The following LAT2 variants were observed in gnomAD, a reference collection of about 807,000 sequenced individuals.
The protein encoded by LAT2 is linker for activation of T cells family member 2.
LAT2 carries 23 observed loss-of-function variants against 43.4 expected under a neutral mutation model. The ratio of observed to expected loss-of-function variants is 0.53; its 90% CI spans 0.38 to 0.75. LAT2 has a LOEUF of 0.75. LAT2 is among the 30% of genes least tolerant of loss of function. The probability of loss-of-function intolerance (pLI) is 0.00; values close to 1 mark genes in which losing one functional copy is unlikely to be tolerated. For synonymous variants in LAT2, 128 were observed against 123.2 expected, an observed-to-expected ratio of 1.04 and a Z score of -0.26; for missense variants, 284 against 310.2, an observed-to-expected ratio of 0.92 and a Z score of 0.64.
Position 74,210,010 on chromosome 7 carries a change from T to C in LAT2, c.-297T>C, listed in dbSNP as rs1160005652. Reference sequence around the variant, plus strand: ...AGCCCGCCCTGCCCGCCCGCCAGTGTCAGTGGTGTTGGCATCAGCTTGGGC... The same window carrying C: ...AGCCCGCCCTGCCCGCCCGCCAGTGCCAGTGGTGTTGGCATCAGCTTGGGC... On this transcript the variant is annotated 5_prime_UTR_variant, in exon 1 of 14. Transcript: ENST00000460943. 1.5e-4 allele frequency: 23 copies of C among 152,140 alleles called. No individual in the cohort carries two copies. The highest frequency in any genetic ancestry group is 1.5e-3 in the Admixed American group (23 of 15,252). 9.4% of individuals were successfully genotyped at this position (152,140 alleles called of 1,614,324 possible).
At position 74,216,030 on chromosome 7, in the gene LAT2, G is replaced by T; in HGVS notation, c.55G>T (p.Gly19Trp). Reference protein sequence around the residue: ...WPGAALLVLLGVAASLCVRCS... With the variant: ...WPGAALLVLLWVAASLCVRCS... ...CGGAGCAGCGCTGCTGGTGCTGTTG[G>T]GGGTGGCAGCCAGTCTGTGTGTGCG... Residue 19 changes from glycine to tryptophan, a missense_variant, in exon 3 of 14, where the codon GGG becomes TGG. Physicochemically the swap from Gly to Trp is radical, Grantham distance 184 (BLOSUM62 -2). Coordinates refer to ENST00000460943, the MANE Select transcript of LAT2 (RefSeq NM_032464.3). 6.2e-7 allele frequency: 1 copy of T among 1,613,714 alleles called. No individual in the cohort carries two copies. Among genetic ancestry groups the T allele is most frequent in the Non-Finnish European group, 8.5e-7 (1 of 1,179,914 alleles).
chr7:74,211,137 C>T (rs1268266531), intron 1 of LAT2, among the ~76,000 whole-genome samples: 1 of 152,228 alleles, frequency 6.6e-6, no homozygotes, highest in Non-Finnish European at 1.5e-5. Flanking sequence ...CTCCCCACCC[C>T]GCCCAGCCCT....
At position 74,223,752 on chromosome 7, in the gene LAT2, G is replaced by A; in HGVS notation, c.417G>A (p.Val139=). ...ATGATGCCAATTCCTACGAGAATGTGCTCATTTGCAAGCAGAAAACCACAG... is the reference window on the plus strand; with the variant it reads ...ATGATGCCAATTCCTACGAGAATGTACTCATTTGCAAGCAGAAAACCACAG... The part of the protein sequence containing the change: ...EDDDANSYEN[V]LICKQKTTET... Residue 139 remains valine, a synonymous_variant, in exon 11 of 14, where the codon GTG becomes GTA. Transcript: ENST00000460943. 6.2e-7 allele frequency: 1 copy of A among 1,613,982 alleles called. No homozygotes were observed. The highest frequency in any genetic ancestry group is 1.1e-5 in the South Asian group (1 of 91,082).
In LAT2 at chr7:74,229,213, G is replaced by A. The variant is rs1166217790; in HGVS notation, c.*288G>A. Reference sequence around the variant, plus strand: ...GGGTAACCCGGCTCCTGGTATGGACGGATGCGCAGGATTTAGGATAAGCTG... The same window carrying A: ...GGGTAACCCGGCTCCTGGTATGGACAGATGCGCAGGATTTAGGATAAGCTG... On this transcript the variant is annotated 3_prime_UTR_variant, in exon 14 of 14. Transcript: ENST00000460943. The A allele has an allele frequency of 3.9e-5, 6 of 152,204 alleles. No individual in the cohort carries two copies. Among genetic ancestry groups the A allele is most frequent in the Non-Finnish European group, 5.9e-5 (4 of 68,048 alleles). The allele number at this position is 152,204 out of a possible 1,614,324, so 9.4% of individuals were successfully genotyped here. A position where few individuals can be genotyped will look rare whatever the true frequency, so the allele number is the denominator to read the frequency against.
intron 1 of LAT2, among the ~76,000 whole-genome samples, chr7:74,214,129 TATATATATGAAA>T (rs1314312390): frequency 1.7e-5 from 1 of 59,286 alleles, no homozygotes; most frequent in Non-Finnish European, 3.1e-5. Context: ...TATATATAAA[TATATATATGAAA>T]ATATATATAA....
intron 12 of LAT2, among the ~76,000 whole-genome samples, 168 bp from the exon 13 acceptor site, chr7:74,224,471 G>A (rs1451503877): frequency 5.9e-5 from 9 of 152,204 alleles, no homozygotes; most frequent in Admixed American, 1.3e-4. Flanking sequence ...ACAGCAGGAC[G>A]ATCTCCGGCA....
chr7:74,213,971 C>T (rs892772387), intron 1 of LAT2, among the ~76,000 whole-genome samples: 9 of 142,756 alleles, frequency 6.3e-5, no homozygotes, highest in South Asian at 2.2e-4. Flanking sequence ...TTTTTTGAAA[C>T]GGAGTCTCAC....
At chr7:74,222,216 T>A (rs1802310694) in intron 10 of LAT2, among the ~76,000 whole-genome samples, 1 of 126,670 alleles carries the variant, frequency 7.9e-6, no homozygotes, top group Non-Finnish European at 1.6e-5. Flanking sequence ...TGAAACCCCA[T>A]CTCTACAAAA....
chr7:74,220,734 T>A lies in LAT2; in HGVS notation c.332T>A (p.Ile111Lys), dbSNP rs1234965860. 1.9e-6 allele frequency: 3 copies of A among 1,591,828 alleles called. No individual in the cohort carries two copies. The African/African-American group carries it at 4.0e-5, about 21-fold the overall frequency. Residue 111 changes from isoleucine (I) to lysine (K), a missense_variant and splice_region_variant, in exon 9 of 14, where the codon ATA becomes AAA. Coordinates refer to ENST00000460943, the MANE Select transcript of LAT2 (RefSeq NM_032464.3). This position sits in a 1 kb window ranked among gnomAD's most constrained non-coding sequence, Gnocchi z 4.5. ...AGACACGGGTCGGAGGAAGCCTACA[T>A]GTGAGTGACCTTGATCCTGTCCCCC... ...GSRHGSEEAY[I>K]DPIAMEYYNW...
At chr7:74,214,764 C>CATATATAAAT (rs1801965124) in intron 1 of LAT2, 58 bp from the exon 2 acceptor site, 1 of 61,200 alleles carries the variant, frequency 1.6e-5, no homozygotes, top group Non-Finnish European at 2.6e-5. Context: ...TATATATAAA[C>CATATATAAAT]ATATATATAT....
intron 9 of LAT2, among the ~76,000 whole-genome samples, 173 bp from the exon 10 acceptor site, chr7:74,221,464 G>T (rs1031358901): frequency 5.0e-4 from 74 of 149,466 alleles, no homozygotes; most frequent in Admixed American, 3.3e-4. Flanking sequence ...TGGTGGCTCA[G>T]GGGTCCCAGG....
At chr7:74,227,101 G>C (rs1206710264) in intron 13 of LAT2, among the ~76,000 whole-genome samples, 2 of 151,326 alleles carry the variant, frequency 1.3e-5, no homozygotes, top group Admixed American at 1.3e-4. Context: ...AAGTGCAATG[G>C]TGCAATCTTG....
At chr7:74,210,573 T>C (rs1801696845) in intron 1 of LAT2, among the ~76,000 whole-genome samples, 1 of 152,070 alleles carries the variant, frequency 6.6e-6, no homozygotes, top group Admixed American at 6.6e-5. Flanking sequence ...GGACCAGGGC[T>C]GCTCAGGCCC....
intron 9 of LAT2, among the ~76,000 whole-genome samples, chr7:74,221,317 A>T (rs1554715212): frequency 6.9e-6 from 1 of 145,854 alleles, no homozygotes; most frequent in Non-Finnish European, 1.5e-5. Flanking sequence ...CGGGAGGCTG[A>T]TGCAGGAGAA....
Position 74,220,663 on chromosome 7 carries a change from A to G in LAT2, c.302-41A>G, listed in dbSNP as rs1802232298. On this transcript the variant is annotated intron_variant, in intron 8 of 13. Coordinates refer to ENST00000460943, the MANE Select transcript of LAT2 (RefSeq NM_032464.3). The surrounding 1 kb of genome is among the most constrained non-coding windows in gnomAD (Gnocchi z 4.5). ...AAAGGGGGAGGCCATGGTGGGGGCC[A>G]CACCCAGGGGCTCAGGCCCAATTCT... is the stretch of plus-strand genomic sequence containing the variant. 3 of 1,613,802 alleles carry G rather than the reference A, an allele frequency of 1.9e-6. No individual in the cohort carries two copies. Among genetic ancestry groups the G allele is most frequent in the Non-Finnish European group, 2.5e-6 (3 of 1,179,844 alleles).
chr7:74,228,203 G>A (rs544369404), intron 13 of LAT2, among the ~76,000 whole-genome samples: 7 of 136,422 alleles, frequency 5.1e-5, no homozygotes, highest in Non-Finnish European at 9.2e-5. Flanking sequence ...AAAGCCAGGC[G>A]CGGTGGCTCA....
Position 74,220,302 on chromosome 7 carries a change from C to A in LAT2, c.265+48C>A. Reference sequence around the variant, plus strand: ...AGGGACAGGCCTAGCCAAGCTGGGACTAAGACAGGCGAAAACCCCATGGGA... The same window carrying A: ...AGGGACAGGCCTAGCCAAGCTGGGAATAAGACAGGCGAAAACCCCATGGGA... On this transcript the variant is annotated intron_variant, in intron 7 of 13. Transcript: ENST00000460943. The surrounding 1 kb of genome is among the most constrained non-coding windows in gnomAD (Gnocchi z 4.5). The A allele has an allele frequency of 6.3e-7, 1 of 1,579,972 alleles. No individual in the cohort carries two copies. The highest frequency in any genetic ancestry group is 1.4e-5 in the African/African-American group (1 of 74,034).
intron 1 of LAT2, among the ~76,000 whole-genome samples, chr7:74,212,836 C>T (rs549928602): frequency 4.6e-5 from 7 of 152,196 alleles, no homozygotes; most frequent in Non-Finnish European, 1.0e-4. Flanking sequence ...CCCGGGGTGA[C>T]GTGGGTCGTG....
intron 4 of LAT2, 135 bp downstream of exon 4, chr7:74,216,999 G>A (rs1166501007): frequency 1.4e-6 from 1 of 727,638 alleles, no homozygotes. Flanking sequence ...TGGGTCCCTA[G>A]CCATCAGAGA....
Sources: allele counts gnomAD v4.1 joint callset (sites outside exome capture counted in the v4.1 genomes callset), GRCh38; gene constraint gnomAD v4.1.1; non-coding constraint Gnocchi (gnomAD v3.1); transcripts MANE v1.5; gene names NCBI Gene and HGNC (gene_info 2026-07-23, HGNC 2026-07-21).